SLC35F5: variants seen among roughly 807,000 people sequenced by gnomAD.
SLC35F5 encodes HCV NS5A-transactivated protein 3.
A neutral mutation model predicts 68.6 loss-of-function variants in SLC35F5; 54 were observed. The observed-to-expected ratio is 0.79, with a 90% CI of 0.63 to 0.99. SLC35F5 has a LOEUF of 0.99. Ranked by LOEUF, SLC35F5 falls within the 50% of genes least tolerant of loss-of-function variation. The pLI, the probability that SLC35F5 is intolerant of heterozygous loss-of-function variation, is 0.00. For synonymous variants in SLC35F5, 211 were observed against 205.2 expected, an observed-to-expected ratio of 1.03 and a Z score of -0.24; for missense variants, 567 against 626.9, an observed-to-expected ratio of 0.90 and a Z score of 1.02.
intron 3 of SLC35F5, among the ~76,000 whole-genome samples, chr2:113,751,591 C>T (rs1676742126): frequency 6.6e-6 from 1 of 152,048 alleles, no homozygotes. Flanking sequence ...GGGTGGATCA[C>T]TTGAAGTCAG....
intron 13 of SLC35F5, among the ~76,000 whole-genome samples, chr2:113,722,069 G>C (rs1139327): frequency 6.7e-6 from 1 of 148,872 alleles, no homozygotes; most frequent in Non-Finnish European, 1.5e-5. Flanking sequence ...CCGCCTCCCG[G>C]GTTCAAGTGA....
At chr2:113,747,863 G>A (rs1372909418) in intron 4 of SLC35F5, among the ~76,000 whole-genome samples, 1 of 152,168 alleles carries the variant, frequency 6.6e-6, no homozygotes, top group Non-Finnish European at 1.5e-5. Flanking sequence ...AGGCCGAGAG[G>A]GGTGGATCGC....
intron 7 of SLC35F5, among the ~76,000 whole-genome samples, chr2:113,738,148 CAAGTA>C (rs1008154247): frequency 1.2e-4 from 18 of 151,960 alleles, no homozygotes; most frequent in Non-Finnish European, 1.5e-5. Context: ...TATCAAATTA[CAAGTA>C]AAGAATATAG....
At chr2:113,728,912 C>T (rs1687772808) in intron 11 of SLC35F5, among the ~76,000 whole-genome samples, 1 of 152,214 alleles carries the variant, frequency 6.6e-6, no homozygotes, top group East Asian at 1.9e-4. Context: ...ATAAAAGTGT[C>T]TGTGTCTTAA....
chr2:113,754,375 G>A lies in SLC35F5; in HGVS notation c.273+790C>T, dbSNP rs79216788. 4.6e-4 allele frequency among the ~76,000 whole-genome samples: 70 copies of A among 151,384 alleles called. No individual in the cohort carries two copies. The East Asian group carries it at 0.011, about 25-fold the overall frequency. ...GTCAATATTTACTTAGCTACAATAT[G>A]AGACCTGAGTATTAAACTGCTTCTT... On this transcript the variant is annotated intron_variant, in intron 3 of 15. Transcript: ENST00000245680.
intron 7 of SLC35F5, among the ~76,000 whole-genome samples, chr2:113,736,887 G>A (rs1327068692): frequency 6.6e-6 from 1 of 152,134 alleles, no homozygotes; most frequent in Non-Finnish European, 1.5e-5. Flanking sequence ...ATGTGTGTGT[G>A]TCCAAAGTTC....
chr2:113,730,405 G>A (rs1383544468), intron 10 of SLC35F5, among the ~76,000 whole-genome samples: 1 of 152,112 alleles, frequency 6.6e-6, no homozygotes, highest in Admixed American at 6.6e-5. Flanking sequence ...GGAAAAGCCT[G>A]TCAACAAAAT....
At chr2:113,725,349 A>C (rs1687617672) in intron 12 of SLC35F5, 29 bp downstream of exon 12, 1 of 1,569,420 alleles carries the variant, frequency 6.4e-7, no homozygotes. Flanking sequence ...TAATCAACTG[A>C]TAATAATTGG....
chr2:113,729,378 T>A (rs770542085), intron 11 of SLC35F5, 23 bp downstream of exon 11: 2 of 1,250,728 alleles, frequency 1.6e-6, no homozygotes, highest in African/African-American at 3.1e-5. Flanking sequence ...GTAAATAGCC[T>A]CCCAAGTTAC....
chr2:113,741,699 T>TAAAA (rs11448220), intron 7 of SLC35F5, among the ~76,000 whole-genome samples: 15 of 142,116 alleles, frequency 1.1e-4, no homozygotes, highest in African/African-American at 4.0e-4. Flanking sequence ...GAAACTCCAT[T>TAAAA]AAAAAAAAAA....
chr2:113,717,061 T>C (rs1215969325), intron 15 of SLC35F5, among the ~76,000 whole-genome samples: 1 of 152,242 alleles, frequency 6.6e-6, no homozygotes, highest in African/African-American at 2.4e-5. Context: ...CTAGTAGTTT[T>C]TTGTGATCTT....
rs1261896879 is a variant in SLC35F5, at chr2:113,709,306, G to A, written c.*5912C>T. 1.3e-5 allele frequency among the ~76,000 whole-genome samples: 2 copies of A among 151,964 alleles called. No individual in the cohort carries two copies. Among genetic ancestry groups the A allele is most frequent in the Non-Finnish European group, 2.9e-5 (2 of 68,016 alleles). On this transcript the variant is annotated 3_prime_UTR_variant, in exon 16 of 16. Coordinates refer to ENST00000245680, the MANE Select transcript of SLC35F5 (RefSeq NM_025181.5). Reference sequence around the variant, plus strand: ...CACTGTTATTACCACTCTTTACAAAGCACTAAGCACACACAGGTGTTTGGC... The same window carrying A: ...CACTGTTATTACCACTCTTTACAAAACACTAAGCACACACAGGTGTTTGGC...
Position 113,756,440 on chromosome 2 carries a change from A to AGC in SLC35F5, c.-33_-32dup. 1 of 1,541,368 alleles carries AGC rather than the reference A, an allele frequency of 6.5e-7. No individual in the cohort carries two copies. Among genetic ancestry groups the AGC allele is most frequent in the East Asian group, 2.4e-5 (1 of 40,896 alleles). The stretch of plus-strand genomic sequence containing the variant: ...GACCGGTCAGGCCCCGCAGCCGCCC[A>AGC]GCGCCACGGCCGCGGCCTCGGACTC... On this transcript the variant is annotated 5_prime_UTR_variant, in exon 1 of 16. Transcript: ENST00000245680.
At chr2:113,722,487 T>A (rs776216142) in intron 13 of SLC35F5, among the ~76,000 whole-genome samples, 16 of 152,224 alleles carry the variant, frequency 1.1e-4, no homozygotes, top group Non-Finnish European at 1.9e-4. Flanking sequence ...CTATGCTCCA[T>A]CTTTCAGTGC....
At chr2:113,724,986 A>C (rs1359677284) in intron 12 of SLC35F5, among the ~76,000 whole-genome samples, 1 of 152,190 alleles carries the variant, frequency 6.6e-6, no homozygotes, top group Non-Finnish European at 1.5e-5. Flanking sequence ...CCTCTTAAAT[A>C]AGCAGCATCT....
intron 3 of SLC35F5, among the ~76,000 whole-genome samples, chr2:113,754,143 A>G (rs1390751182): frequency 6.6e-6 from 1 of 151,948 alleles, no homozygotes; most frequent in Non-Finnish European, 1.5e-5. Flanking sequence ...TACAAAAATT[A>G]GCCTGGCGTG....
intron 12 of SLC35F5, 110 bp from the exon 13 acceptor site, chr2:113,723,304 A>G (rs73955056): frequency 0.24 from 133,030 of 545,180 alleles, 18,010 homozygotes; most frequent in Middle Eastern, 0.43. Flanking sequence ...AGGAGCAAAG[A>G]TAAGAGGCTA....
At chr2:113,748,944 C>T (rs1676628294) in intron 4 of SLC35F5, among the ~76,000 whole-genome samples, 1 of 152,210 alleles carries the variant, frequency 6.6e-6, no homozygotes, top group African/African-American at 2.4e-5. Flanking sequence ...GCTGGGACTA[C>T]AGGAGTGCGC....
downstream of SLC35F5, among the ~76,000 whole-genome samples, chr2:113,703,523 C>G (rs571247604): frequency 2.0e-5 from 3 of 152,294 alleles, no homozygotes; most frequent in African/African-American, 7.2e-5. Flanking sequence ...TTCTCAGTGA[C>G]TAGCAGCTGC....
Sources: gnomAD v4.1 joint callset for allele counts (sites outside exome capture counted in the v4.1 genomes callset) on GRCh38, gnomAD v4.1.1 for gene constraint, MANE v1.5 for transcripts, NCBI Gene and HGNC (gene_info 2026-07-23, HGNC 2026-07-21) for gene names.